CDC27: variants seen among roughly 807,000 people sequenced by gnomAD.
The protein encoded by CDC27 is cell division cycle protein 27 homolog.
In CDC27, 27 loss-of-function variants were observed where a neutral mutation model predicts 109.7. The ratio of observed to expected loss-of-function variants is 0.25; its 90% CI spans 0.18 to 0.34. CDC27 has a LOEUF of 0.34. CDC27 is among the 10% of genes least tolerant of loss of function. CDC27 has a pLI of 1.00. For synonymous variants in CDC27, 266 were observed against 333.9 expected (o/e 0.80, Z 2.22); for missense variants, 579 against 960.2 (o/e 0.60, Z 5.25).
Position 47,154,616 on chromosome 17 carries a change from T to C in CDC27, c.957+56A>G, listed in dbSNP as rs981343106. ...TTCCCTGAGATTACCTTTAAAAGAT[T>C]GAAATAAACAAGTTGCTTTAATCAA... On this transcript the variant is annotated intron_variant, in intron 8 of 18. Coordinates refer to ENST00000066544, the MANE Select transcript of CDC27 (RefSeq NM_001256.6). 13 of 899,110 alleles carry C rather than the reference T, an allele frequency of 1.4e-5. No individual in the cohort carries two copies. In the African/African-American group the frequency reaches 2.2e-4, roughly 15 times the overall value. The allele number at this position is 899,110 out of a possible 1,614,324, so 55.7% of individuals were successfully genotyped here.
rs769759034 is a variant in CDC27 at position 47,137,348 on chromosome 17, C to A, written c.1717G>T (p.Ala573Ser). 2 of 1,588,760 alleles carry A rather than the reference C, an allele frequency of 1.3e-6. No individual in the cohort carries two copies. Among genetic ancestry groups the A allele is most frequent in the African/African-American group, 1.4e-5 (1 of 73,806 alleles). Reference protein sequence around the residue: ...DKNSPEAWCAAGNCFSLQREH... With the variant: ...DKNSPEAWCASGNCFSLQREH... ...CGTTGCAGACTGAAACAGTTCCCTG[C>A]AGCACACCAGGCCTTAAAAAAATGG... The change falls in exon 14 of 19, where the codon GCA becomes TCA. Residue 573 changes from alanine to serine, a missense_variant. Transcript: ENST00000066544.
chr17:47,159,594 G>A (rs559306020), intron 4 of CDC27: 50 of 466,694 alleles, frequency 1.1e-4, no homozygotes, highest in African/African-American at 7.3e-4. Context: ...ACAATCGAGA[G>A]TTTGGCCAGG....
At chr17:47,128,623 A>G (rs1475866808) in intron 16 of CDC27, among the ~76,000 whole-genome samples, 1 of 152,116 alleles carries the variant, frequency 6.6e-6, no homozygotes, top group Non-Finnish European at 1.5e-5. Context: ...GTTTTCCTAG[A>G]GAGTACTAGA....
chr17:47,170,155 C>T, intron 3 of CDC27, 113 bp from the exon 4 acceptor site: 4 of 698,926 alleles, frequency 5.7e-6, no homozygotes, highest in Non-Finnish European at 8.8e-6. Context: ...TTTTTTCTCT[C>T]TCTCTCTTTC....
In CDC27 at chr17:47,169,998, T is replaced by A; in HGVS notation, c.296A>T (p.Lys99Met). ...EQILSGGVFN[K>M]QKSHDDIVTE... Reference sequence around the variant, plus strand: ...AACAATATCATCATGGCTTTTCTGCTTATTAAACACTCCACCAGATAAGAT... The same window carrying A: ...AACAATATCATCATGGCTTTTCTGCATATTAAACACTCCACCAGATAAGAT... Residue 99 changes from lysine (K) to methionine (M), a missense_variant, in exon 4 of 19, where the codon AAG becomes ATG. Physicochemically the swap from Lys to Met is moderately conservative, Grantham distance 95. Coordinates refer to ENST00000066544, the MANE Select transcript of CDC27 (RefSeq NM_001256.6). The A allele has an allele frequency of 6.3e-7, 1 of 1,590,532 alleles. No individual in the cohort carries two copies. Among genetic ancestry groups the A allele is most frequent in the Non-Finnish European group, 8.6e-7 (1 of 1,169,032 alleles).
chr17:47,169,897 T>G lies in CDC27; in HGVS notation c.377+20A>C, dbSNP rs777898998. On this transcript the variant is annotated intron_variant, in intron 4 of 18. Coordinates refer to ENST00000066544, the MANE Select transcript of CDC27 (RefSeq NM_001256.6). ...TTGTATGGAAATGCTTTTCTGACAG[T>G]TTGAATCATTCTTACTTACCAATAT... 2 of 1,553,322 alleles carry G rather than the reference T, an allele frequency of 1.3e-6. No homozygotes were observed. Among genetic ancestry groups the G allele is most frequent in the Non-Finnish European group, 1.7e-6 (2 of 1,156,612 alleles).
chr17:47,122,809 G>T (rs2062017496), intron 17 of CDC27, among the ~76,000 whole-genome samples: 1 of 152,038 alleles, frequency 6.6e-6, no homozygotes, highest in Admixed American at 6.6e-5. Context: ...GAGTAGCTCG[G>T]ACTACAGGTG....
chr17:47,142,821 G>A (rs1336187761), intron 10 of CDC27, among the ~76,000 whole-genome samples: 1 of 152,168 alleles, frequency 6.6e-6, no homozygotes, highest in Non-Finnish European at 1.5e-5. Flanking sequence ...TGAGATTACA[G>A]GCATGAGCCA....
chr17:47,120,930 A>C lies in CDC27; in HGVS notation c.*5T>G. On this transcript the variant is annotated 3_prime_UTR_variant, in exon 19 of 19. Transcript: ENST00000066544. ...ATCCAGTTGTAAAAGTCTGATTTCCAGAAGTTAAAATTCATCACTTTCAGC... is the reference window on the plus strand; with the variant it reads ...ATCCAGTTGTAAAAGTCTGATTTCCCGAAGTTAAAATTCATCACTTTCAGC... 6.2e-7 allele frequency: 1 copy of C among 1,606,302 alleles called. No homozygotes were observed. The highest frequency in any genetic ancestry group is 1.1e-5 in the South Asian group (1 of 90,490).
At chr17:47,135,781 A>G (rs1011346253) in intron 14 of CDC27, among the ~76,000 whole-genome samples, 1 of 118,848 alleles carries the variant, frequency 8.4e-6, no homozygotes, top group Non-Finnish European at 1.9e-5. Flanking sequence ...ATACACATTT[A>G]AAAAAAAAAC....
intron 16 of CDC27, among the ~76,000 whole-genome samples, chr17:47,128,116 T>A (rs142457434): frequency 1.3e-5 from 2 of 152,228 alleles, no homozygotes; most frequent in East Asian, 3.9e-4. Flanking sequence ...CTGCAACCTC[T>A]GCCTCCTGGG....
chr17:47,169,768 C>T (rs942871931), intron 4 of CDC27, 149 bp downstream of exon 4: 1 of 472,586 alleles, frequency 2.1e-6, no homozygotes, highest in African/African-American at 2.0e-5. Context: ...AGATTAGCAT[C>T]TCTGCTATTT....
At chr17:47,183,954 TGATA>T (rs1257960374) in intron 1 of CDC27, among the ~76,000 whole-genome samples, 2 of 152,206 alleles carry the variant, frequency 1.3e-5, no homozygotes, top group Non-Finnish European at 2.9e-5. Context: ...AGAAACTCTG[TGATA>T]AATAGAAGAA....
intron 9 of CDC27, among the ~76,000 whole-genome samples, chr17:47,147,482 A>C (rs959066902): frequency 6.6e-5 from 10 of 152,300 alleles, no homozygotes; most frequent in Non-Finnish European, 1.3e-4. Context: ...TCTACAATGA[A>C]GAGGAAAAGT....
intron 14 of CDC27, among the ~76,000 whole-genome samples, chr17:47,136,596 C>A (rs911128551): frequency 2.0e-5 from 3 of 152,092 alleles, no homozygotes; most frequent in African/African-American, 7.2e-5. Context: ...CAGTTGATAA[C>A]AATATGACCT....
At chr17:47,141,798 T>C in intron 12 of CDC27, 55 bp downstream of exon 12, 5 of 1,063,600 alleles carry the variant, frequency 4.7e-6, no homozygotes, top group Non-Finnish European at 6.8e-6. Context: ...GCATTTATTT[T>C]AATGAAATTG....
intron 1 of CDC27, among the ~76,000 whole-genome samples, chr17:47,183,533 TAA>T (rs1372005812): frequency 6.6e-6 from 1 of 152,214 alleles, no homozygotes; most frequent in Non-Finnish European, 1.5e-5. Flanking sequence ...TTAAATTTTA[TAA>T]AGTCTCAAAG....
intron 14 of CDC27, among the ~76,000 whole-genome samples, chr17:47,136,762 T>C (rs1248417034): frequency 6.6e-6 from 1 of 152,236 alleles, no homozygotes; most frequent in Non-Finnish European, 1.5e-5. Flanking sequence ...CAATTTTTTT[T>C]CCTATTATCC....
chr17:47,172,728 T>C (rs1428152927), intron 2 of CDC27, among the ~76,000 whole-genome samples: 2 of 152,194 alleles, frequency 1.3e-5, no homozygotes, highest in Non-Finnish European at 2.9e-5. Flanking sequence ...CCTGCCTTCT[T>C]AATGCAAGTG....
Sources: allele counts gnomAD v4.1 joint callset (sites outside exome capture counted in the v4.1 genomes callset), GRCh38; gene constraint gnomAD v4.1.1; transcripts MANE v1.5; gene names NCBI Gene and HGNC (gene_info 2026-07-23, HGNC 2026-07-21).